The following CBL variants were observed in gnomAD, a reference collection of about 807,000 sequenced individuals.
The protein encoded by CBL is Cbl proto-oncogene, also known as E3 ubiquitin-protein ligase CBL.
Under a neutral mutation model 96.9 loss-of-function variants are expected in CBL, and 45 were observed. The observed-to-expected ratio is 0.46, with a 90% confidence interval of 0.37 to 0.60. CBL has a LOEUF of 0.60. Ranked by LOEUF, CBL falls within the 20% of genes least tolerant of loss-of-function variation. The pLI is 0.00. For synonymous variants in CBL, 420 were observed against 426.8 expected (o/e 0.98, Z 0.20); for missense variants, 1,024 against 1,143.5 (o/e 0.90, Z 1.51).
chr11:119,277,977 C>T (rs1038010394), intron 7 of CBL, 133 bp downstream of exon 7: 5 of 870,808 alleles, frequency 5.7e-6, no homozygotes, highest in Non-Finnish European at 9.4e-6. Flanking sequence ...TGTGGTTTCA[C>T]TTTAAACCCT....
intron 2 of CBL, among the ~76,000 whole-genome samples, chr11:119,262,414 A>T (rs1198389366): frequency 1.3e-5 from 2 of 152,202 alleles, no homozygotes; most frequent in South Asian, 4.1e-4. Flanking sequence ...TACCATACTG[A>T]TGTTGGTTTC....
At chr11:119,267,496 A>G (rs1163318094) in intron 2 of CBL, among the ~76,000 whole-genome samples, 1 of 152,186 alleles carries the variant, frequency 6.6e-6, no homozygotes, top group Non-Finnish European at 1.5e-5. Flanking sequence ...TGGTCCAGTT[A>G]TTCCAAGACC....
chr11:119,238,223 A>G (rs1212984720), intron 2 of CBL, among the ~76,000 whole-genome samples: 2 of 128,468 alleles, frequency 1.6e-5, no homozygotes, highest in African/African-American at 5.8e-5. Context: ...CCCAAATACA[A>G]TTTTTTTTTT....
chr11:119,224,541 A>G (rs1335575435), intron 1 of CBL, among the ~76,000 whole-genome samples: 1 of 152,226 alleles, frequency 6.6e-6, no homozygotes, highest in East Asian at 1.9e-4. Flanking sequence ...CATGTATTAT[A>G]TCATGTGTTC....
At chr11:119,273,207 CT>C (rs1592398047) in intron 3 of CBL, among the ~76,000 whole-genome samples, 1 of 152,126 alleles carries the variant, frequency 6.6e-6, no homozygotes. Flanking sequence ...ATCTTTCCCC[CT>C]GGCCTCTCAA....
chr11:119,256,800 T>C (rs926722625), intron 2 of CBL, among the ~76,000 whole-genome samples: 13 of 151,684 alleles, frequency 8.6e-5, no homozygotes, highest in African/African-American at 2.9e-4. Context: ...CTCCTACTTA[T>C]AAATGAGAAC....
At chr11:119,281,406 CT>C (rs1479981405) in intron 9 of CBL, among the ~76,000 whole-genome samples, 1 of 151,990 alleles carries the variant, frequency 6.6e-6, no homozygotes, top group African/African-American at 2.4e-5. Context: ...AATAAATATT[CT>C]GCTCTAAATT....
At chr11:119,296,059 G>T (rs1231786595) in intron 12 of CBL, among the ~76,000 whole-genome samples, 3 of 152,174 alleles carry the variant, frequency 2.0e-5, no homozygotes, top group African/African-American at 7.2e-5. Flanking sequence ...GATTAAAGGG[G>T]ACTTCTATGT....
intron 1 of CBL, among the ~76,000 whole-genome samples, chr11:119,219,681 CTTT>C (rs201151258): frequency 2.6e-3 from 367 of 140,614 alleles, no homozygotes; most frequent in Non-Finnish European, 3.9e-3. Flanking sequence ...CCATTTTTGC[CTTT>C]TTTTTTTTTT....
At chr11:119,278,409 AC>A in intron 8 of CBL, 100 bp from the exon 9 acceptor site, 2 of 1,546,940 alleles carry the variant, frequency 1.3e-6, no homozygotes, top group South Asian at 2.2e-5. Context: ...TTAGGTTTAA[AC>A]TTTTACTTTT....
intron 2 of CBL, among the ~76,000 whole-genome samples, chr11:119,232,940 A>G (rs1326990816): frequency 1.3e-5 from 2 of 152,324 alleles, no homozygotes; most frequent in East Asian, 3.9e-4. Context: ...TGGAGGCAGT[A>G]GGTCCTTTGG....
chr11:119,296,943 C>G lies in CBL; in HGVS notation c.2062C>G (p.Pro688Ala). 1 of 1,609,026 alleles carries G rather than the reference C, an allele frequency of 6.2e-7. No individual in the cohort carries two copies. Among genetic ancestry groups the G allele is most frequent in the Non-Finnish European group, 8.5e-7 (1 of 1,175,354 alleles). ...ARPLPVPKLP[P>A]GEQCEGEEDT... Reference sequence around the variant, plus strand: ...ACCTCTTCCTGTGCCAAAACTGCCACCTGGGGAGCAATGTGAGGGTGAAGA... The same window carrying G: ...ACCTCTTCCTGTGCCAAAACTGCCAGCTGGGGAGCAATGTGAGGGTGAAGA... The change falls in exon 13 of 16, where the codon CCT (proline) becomes GCT (alanine). Residue 688 changes from proline to alanine, a missense_variant. By Grantham distance (27) the Pro-to-Ala change is conservative (BLOSUM62 -1). Transcript: ENST00000264033.
At chr11:119,288,357 C>G (rs1007064866) in intron 12 of CBL, among the ~76,000 whole-genome samples, 2 of 152,032 alleles carry the variant, frequency 1.3e-5, no homozygotes, top group South Asian at 2.1e-4. Context: ...ATTTATTTTC[C>G]CTGAGTTCTG....
At chr11:119,256,424 A>G (rs1170827598) in intron 2 of CBL, among the ~76,000 whole-genome samples, 1 of 151,920 alleles carries the variant, frequency 6.6e-6, no homozygotes, top group Non-Finnish European at 1.5e-5. Context: ...CAGGTGATCC[A>G]CCCACCTTGG....
intron 2 of CBL, among the ~76,000 whole-genome samples, chr11:119,251,155 C>A (rs1949667263): frequency 1.3e-5 from 2 of 152,084 alleles, no homozygotes; most frequent in Admixed American, 6.6e-5. Flanking sequence ...TCAACCTATC[C>A]TTCTTCCCTT....
intron 9 of CBL, among the ~76,000 whole-genome samples, chr11:119,281,528 T>C (rs1000279809): frequency 1.4e-5 from 2 of 146,776 alleles, no homozygotes; most frequent in African/African-American, 2.6e-5. Flanking sequence ...AGAATCTTGC[T>C]CTGTCACCCA....
In CBL at chr11:119,298,374, C is replaced by T. The variant is rs142564074; in HGVS notation, c.2268C>T (p.Ala756=). Residue 756 remains alanine, a synonymous_variant, in exon 15 of 16, where the codon GCC becomes GCT. Coordinates refer to ENST00000264033, the MANE Select transcript of CBL (RefSeq NM_005188.4). The stretch of plus-strand genomic sequence containing the variant: ...TTTCTCCAGGTGAAGGGAATTTGGC[C>T]GCAGCCCATGCCAACACTGGTCCCG... ...ESSTFGEGNL[A]AAHANTGPEE... is the part of the protein sequence containing the mutation. 54 of 1,613,966 alleles carry T rather than the reference C, an allele frequency of 3.3e-5. No individual in the cohort carries two copies. Among genetic ancestry groups the T allele is most frequent in the African/African-American group, 2.0e-4 (15 of 74,892 alleles).
chr11:119,292,714 C>T lies in CBL; in HGVS notation c.2037-4204C>T, dbSNP rs1950037073. Among the ~76,000 whole-genome samples, 2 of 152,200 alleles carry T rather than the reference C, an allele frequency of 1.3e-5. 1 individual carries two copies. Among genetic ancestry groups the T allele is most frequent in the South Asian group, 4.1e-4 (2 of 4,834 alleles). Reference sequence around the variant, plus strand: ...GGATTACAGGCGTGAGCCACTGCGCCCGGCCTATTTTCTTTGATTTTTAAA... The same window carrying T: ...GGATTACAGGCGTGAGCCACTGCGCTCGGCCTATTTTCTTTGATTTTTAAA... On this transcript the variant is annotated intron_variant, in intron 12 of 15. Coordinates refer to ENST00000264033, the MANE Select transcript of CBL (RefSeq NM_005188.4).
intron 2 of CBL, among the ~76,000 whole-genome samples, chr11:119,244,733 TAG>T (rs1214438365): frequency 6.6e-6 from 1 of 152,042 alleles, no homozygotes. Flanking sequence ...GTATTTTTTG[TAG>T]AGACGGGATT....
Sources: allele counts gnomAD v4.1 joint callset (sites outside exome capture counted in the v4.1 genomes callset), GRCh38; gene constraint gnomAD v4.1.1; transcripts MANE v1.5; gene names NCBI Gene and HGNC (gene_info 2026-07-23, HGNC 2026-07-21).